The following COL11A2 variants were observed in gnomAD, a reference collection of about 807,000 sequenced individuals.
COL11A2 encodes the protein collagen alpha-2(XI) chain.
In COL11A2, 116 loss-of-function variants were observed where a neutral mutation model predicts 273.4. The ratio of observed to expected loss-of-function variants is 0.42; its 90% CI spans 0.36 to 0.49. COL11A2 has a LOEUF of 0.49. Ranked by LOEUF, COL11A2 falls within the 20% of genes least tolerant of loss-of-function variation. The pLI is 0.00. For synonymous variants in COL11A2, 782 were observed against 864.2 expected (o/e 0.90, Z 1.67); for missense variants, 1,866 against 2,309.0 (o/e 0.81, Z 3.93).
Position 33,163,522 on chromosome 6 carries a change from AC to A in COL11A2, c.*155del. 8.6e-7 allele frequency: 1 copy of A among 1,156,856 alleles called. No homozygotes were observed. Among genetic ancestry groups the A allele is most frequent in the Non-Finnish European group, 1.3e-6 (1 of 797,428 alleles). 71.7% of individuals were successfully genotyped at this position (1,156,856 alleles called of 1,614,324 possible). ...CGTGGGGTGTCCAGGCAACCACTTC[AC>A]CCCTCCCCTGGCCTGCCCCGACTGA... On this transcript the variant is annotated 3_prime_UTR_variant, in exon 66 of 66. Coordinates refer to ENST00000341947, the MANE Select transcript of COL11A2 (RefSeq NM_080680.3). The surrounding 1 kb of genome is among the most constrained non-coding windows in gnomAD (Gnocchi z 4.1).
chr6:33,178,055 A>T lies in COL11A2; in HGVS notation c.1872+77T>A. Reference sequence around the variant, plus strand: ...AGCATGCCGAGAGAGGAGAGGGAGCAGGAAGGCAGCTAGAAAGGTGGAGAG... The same window carrying T: ...AGCATGCCGAGAGAGGAGAGGGAGCTGGAAGGCAGCTAGAAAGGTGGAGAG... On this transcript the variant is annotated intron_variant, in intron 21 of 65. Transcript: ENST00000341947. This position sits in a 1 kb window ranked among gnomAD's most constrained non-coding sequence, Gnocchi z 4.6. The T allele has an allele frequency of 7.0e-7, 1 of 1,418,990 alleles. No homozygotes were observed. The highest frequency in any genetic ancestry group is 9.8e-7 in the Non-Finnish European group (1 of 1,021,614). The allele number at this position is 1,418,990 out of a possible 1,614,324, so 87.9% of individuals were successfully genotyped here.
Position 33,164,193 on chromosome 6 carries a change from C to T in COL11A2, c.5070+74G>A, listed in dbSNP as rs1014867210. ...CCCTGCTCCCCCTGGGTGCCCTGCCCAAGGGGTCTTCCCACCTCCTTCCTC... is the reference window on the plus strand; with the variant it reads ...CCCTGCTCCCCCTGGGTGCCCTGCCTAAGGGGTCTTCCCACCTCCTTCCTC... On this transcript the variant is annotated intron_variant, in intron 65 of 65. Transcript: ENST00000341947. This position sits in a 1 kb window ranked among gnomAD's most constrained non-coding sequence, Gnocchi z 4.7. 2 of 1,557,390 alleles carry T rather than the reference C, an allele frequency of 1.3e-6. No homozygotes were observed. Among genetic ancestry groups the T allele is most frequent in the Admixed American group, 1.8e-5 (1 of 56,926 alleles).
chr6:33,163,582 A>G lies in COL11A2; in HGVS notation c.*96T>C. The stretch of plus-strand genomic sequence containing the variant: ...CACGCCCTGGCCCAGGGCTCCCTAG[A>G]TAGTGAGGAGCCCTCTTGGGAGGTG... On this transcript the variant is annotated 3_prime_UTR_variant, in exon 66 of 66. Coordinates refer to ENST00000341947, the MANE Select transcript of COL11A2 (RefSeq NM_080680.3). This position sits in a 1 kb window ranked among gnomAD's most constrained non-coding sequence, Gnocchi z 4.1. 3 of 1,580,188 alleles carry G rather than the reference A, an allele frequency of 1.9e-6. No homozygotes were observed. The highest frequency in any genetic ancestry group is 2.2e-5 in the East Asian group (1 of 44,592).
intron 30 of COL11A2, 179 bp downstream of exon 30, chr6:33,175,395 C>T (rs1321720428): frequency 1.4e-5 from 10 of 702,314 alleles, no homozygotes; most frequent in Non-Finnish European, 2.6e-5. Context: ...TCCCTGACTT[C>T]TTATATATCC....
At chr6:33,192,928 G>T (rs1482697505), upstream of COL11A2, among the ~76,000 whole-genome samples, 1 of 152,138 alleles carries the variant, frequency 6.6e-6, no homozygotes, top group Non-Finnish European at 1.5e-5. Context: ...CGGGGCGGGG[G>T]TATTTATAGA....
intron 4 of COL11A2, among the ~76,000 whole-genome samples, chr6:33,187,842 A>T (rs1337338916): frequency 6.2e-5 from 1 of 16,060 alleles, no homozygotes; most frequent in Admixed American, 9.9e-4. Flanking sequence ...GCATGGGTAG[A>T]TGGGGAGGGT....
chr6:33,168,927 C>T (rs372672860), intron 52 of COL11A2, 28 bp downstream of exon 52: 3 of 1,415,014 alleles, frequency 2.1e-6, no homozygotes, highest in Non-Finnish European at 2.9e-6. Flanking sequence ...ACCCTTTTTG[C>T]CCCTTCCCTT....
At position 33,176,653 on chromosome 6, in the gene COL11A2, C is replaced by T. The variant is rs1562350740; in HGVS notation, c.2115+68G>A. ...TATGAATAATGAGACAAGGGAATCC[C>T]AAGGACTTTGAGGCTCTAGAGTCTG... On this transcript the variant is annotated intron_variant, in intron 26 of 65. Transcript: ENST00000341947. The surrounding 1 kb of genome is among the most constrained non-coding windows in gnomAD (Gnocchi z 4.9). 1 of 1,518,556 alleles carries T rather than the reference C, an allele frequency of 6.6e-7. No homozygotes were observed. The highest frequency in any genetic ancestry group is 2.3e-5 in the East Asian group (1 of 44,042). 94.1% of individuals were successfully genotyped at this position (1,518,556 alleles called of 1,614,324 possible). A position where few individuals can be genotyped will look rare whatever the true frequency, so the allele number is the denominator to read the frequency against.
Position 33,179,170 on chromosome 6 carries a change from G to A in COL11A2, c.1558-44C>T, listed in dbSNP as rs1177738813. ...GGGTGGGGTTAGGAGGCATAGGGAG[G>A]GGAGTGAGGGAGACTGAGCTGGTGA... On this transcript the variant is annotated intron_variant, in intron 15 of 65. Transcript: ENST00000341947. The surrounding 1 kb of genome is among the most constrained non-coding windows in gnomAD (Gnocchi z 6.4). 4.3e-6 allele frequency: 7 copies of A among 1,611,870 alleles called. No individual in the cohort carries two copies. The highest frequency in any genetic ancestry group is 4.2e-6 in the Non-Finnish European group (5 of 1,179,096).
At position 33,177,267 on chromosome 6, in the gene COL11A2, C is replaced by T; in HGVS notation, c.1972-42G>A. The T allele has an allele frequency of 1.2e-6, 2 of 1,611,952 alleles. No homozygotes were observed. Among genetic ancestry groups the T allele is most frequent in the Non-Finnish European group, 1.7e-6 (2 of 1,179,208 alleles). On this transcript the variant is annotated intron_variant, in intron 23 of 65. Transcript: ENST00000341947. This position sits in a 1 kb window ranked among gnomAD's most constrained non-coding sequence, Gnocchi z 5.9. Reference sequence around the variant, plus strand: ...AGAAGTCACAGGGGCCTCCCAGGGTCTCTTCTATCCAGCCTCCCGGATTCA... The same window carrying T: ...AGAAGTCACAGGGGCCTCCCAGGGTTTCTTCTATCCAGCCTCCCGGATTCA...
Position 33,178,091 on chromosome 6 carries a change from C to T in COL11A2, c.1872+41G>A. The T allele has an allele frequency of 6.3e-7, 1 of 1,590,702 alleles. No homozygotes were observed. The highest frequency in any genetic ancestry group is 8.6e-7 in the Non-Finnish European group (1 of 1,164,968). Reference sequence around the variant, plus strand: ...TAGAAAGGTGGAGAGTTGGAGAGGTCAAGGGGTCACCTCAGGGTCAGAAGT... The same window carrying T: ...TAGAAAGGTGGAGAGTTGGAGAGGTTAAGGGGTCACCTCAGGGTCAGAAGT... On this transcript the variant is annotated intron_variant, in intron 21 of 65. Transcript: ENST00000341947. The surrounding 1 kb of genome is among the most constrained non-coding windows in gnomAD (Gnocchi z 4.6).
intron 12 of COL11A2, 146 bp downstream of exon 12, chr6:33,180,112 C>T (rs1771523175): frequency 7.6e-6 from 7 of 920,976 alleles, no homozygotes; most frequent in Non-Finnish European, 1.2e-5. Context: ...TCTCCCCAAC[C>T]CCAAAGACGA....
Position 33,168,551 on chromosome 6 carries a change from C to T in COL11A2, c.3928G>A (p.Glu1310Lys). The T allele has an allele frequency of 6.2e-7, 1 of 1,613,716 alleles. No homozygotes were observed. Among genetic ancestry groups the T allele is most frequent in the Non-Finnish European group, 8.5e-7 (1 of 1,179,916 alleles). ...CCAAGTGGCCCTGGGGGTCCATTCT[C>T]CCCGGTGGGACCAGGGGATCCCTAG... ...GQPGSPGPTG[E>K]NGPPGPLGKR... The change falls in exon 54 of 66, where the codon GAG becomes AAG. Residue 1310 changes from glutamate (E) to lysine (K), a missense_variant. Glu to Lys is a moderately conservative substitution (Grantham distance 56). Coordinates refer to ENST00000341947, the MANE Select transcript of COL11A2 (RefSeq NM_080680.3).
In COL11A2 at chr6:33,174,207, T is replaced by C. The variant is rs1770570359; in HGVS notation, c.2442A>G (p.Gly814=). 6.4e-7 allele frequency: 1 copy of C among 1,570,872 alleles called. No homozygotes were observed. Among genetic ancestry groups the C allele is most frequent in the South Asian group, 1.2e-5 (1 of 86,140 alleles). The part of the protein sequence containing the change: ...PGRQGPKGSL[G]FPGFPGASGE... ...CACTGGCACCAGGAAAGCCAGGAAA[T>C]CCTAGGGACCCCTGGTGAGAACGGA... The change falls in exon 32 of 66, where the codon GGA becomes GGG. Residue 814 remains glycine, a synonymous_variant. Coordinates refer to ENST00000341947, the MANE Select transcript of COL11A2 (RefSeq NM_080680.3).
intron 1 of COL11A2, among the ~76,000 whole-genome samples, chr6:33,191,851 G>A (rs1397459519): frequency 6.6e-6 from 1 of 152,132 alleles, no homozygotes; most frequent in Admixed American, 6.5e-5. Context: ...GACTGGACCG[G>A]GCTGGCCCTG....
At chr6:33,172,997 G>C in intron 38 of COL11A2, 63 bp downstream of exon 38, 1 of 1,554,978 alleles carries the variant, frequency 6.4e-7, no homozygotes, top group Admixed American at 1.7e-5. Context: ...GTGACCGAGA[G>C]AAGAGGGGCA....
Position 33,177,009 on chromosome 6 carries a change from C to T in COL11A2, c.2053G>A (p.Gly685Ser). The T allele has an allele frequency of 1.2e-6, 2 of 1,612,050 alleles. No individual in the cohort carries two copies. The highest frequency in any genetic ancestry group is 1.7e-6 in the Non-Finnish European group (2 of 1,179,536). ...QGKPGLPGMP[G>S]SDGPPGHPGK... The stretch of plus-strand genomic sequence containing the variant: ...CCACTCACCGGGGGTCCGTCTGAGC[C>T]AGGCATGCCGGGGAGCCCTGGCTTC... Residue 685 changes from glycine to serine, a missense_variant, in exon 25 of 66, where the codon GGC becomes AGC. Physicochemically the swap from Gly to Ser is moderately conservative, Grantham distance 56. Coordinates refer to ENST00000341947, the MANE Select transcript of COL11A2 (RefSeq NM_080680.3). The surrounding 1 kb of genome is among the most constrained non-coding windows in gnomAD (Gnocchi z 5.9).
Position 33,192,351 on chromosome 6 carries a change from T to C in COL11A2, c.-111A>G. 9.0e-7 allele frequency: 1 copy of C among 1,106,348 alleles called. No homozygotes were observed. Among genetic ancestry groups the C allele is most frequent in the Non-Finnish European group, 1.3e-6 (1 of 753,416 alleles). 68.5% of individuals were successfully genotyped at this position (1,106,348 alleles called of 1,614,324 possible). Reference sequence around the variant, plus strand: ...AGACTATGAGCCTCAGACGCCGGGGTCCCAGGGAGGTCAGAGGCTGCGGGC... The same window carrying C: ...AGACTATGAGCCTCAGACGCCGGGGCCCCAGGGAGGTCAGAGGCTGCGGGC... On this transcript the variant is annotated 5_prime_UTR_variant, in exon 1 of 66. Coordinates refer to ENST00000341947, the MANE Select transcript of COL11A2 (RefSeq NM_080680.3).
Position 33,185,064 on chromosome 6 carries a change from A to T in COL11A2, c.877-10T>A. 6.5e-7 allele frequency: 1 copy of T among 1,545,962 alleles called. No homozygotes were observed. The highest frequency in any genetic ancestry group is 1.2e-5 in the South Asian group (1 of 83,932). ...CACCTGGGGTGGGGTCCTGACCCCA[A>T]GGAGAGAAGGAGAAGAGTAGCACGG... On this transcript the variant is annotated splice_polypyrimidine_tract_variant and intron_variant, in intron 6 of 65. Transcript: ENST00000341947.
Sources: allele counts gnomAD v4.1 joint callset (sites outside exome capture counted in the v4.1 genomes callset), GRCh38; gene constraint gnomAD v4.1.1; non-coding constraint Gnocchi (gnomAD v3.1); transcripts MANE v1.5; gene names NCBI Gene and HGNC (gene_info 2026-07-23, HGNC 2026-07-21).